The following NCAM2 variants were observed in gnomAD, a reference collection of about 807,000 sequenced individuals.
NCAM2 encodes neural cell adhesion molecule 2.
NCAM2 carries 30 observed loss-of-function variants against 98.1 expected under a neutral mutation model. That is an observed-to-expected ratio of 0.31 (90% CI 0.23 to 0.41). The LOEUF (loss-of-function observed/expected upper bound fraction) is 0.41. Ranked by LOEUF, NCAM2 falls within the 10% of genes least tolerant of loss-of-function variation. NCAM2 has a pLI of 1.00. For missense variants in NCAM2, 867 were observed against 1,005.8 expected (o/e 0.86, Z 1.87); for synonymous variants, 368 against 342.4 (o/e 1.07, Z -0.83).
At chr21:21,056,407 A>G (rs1249478222) in intron 1 of NCAM2, among the ~76,000 whole-genome samples, 2 of 151,908 alleles carry the variant, frequency 1.3e-5, no homozygotes, top group African/African-American at 2.4e-5. Flanking sequence ...CATCTGACTC[A>G]GTTATCAAGT....
intron 1 of NCAM2, among the ~76,000 whole-genome samples, chr21:21,138,085 T>G (rs1398295533): frequency 6.6e-6 from 1 of 152,178 alleles, no homozygotes; most frequent in Non-Finnish European, 1.5e-5. Flanking sequence ...CCTTTTGTCC[T>G]ATTTCCAAGC....
At chr21:21,151,155 C>T (rs2067437233) in intron 1 of NCAM2, among the ~76,000 whole-genome samples, 1 of 151,372 alleles carries the variant, frequency 6.6e-6, no homozygotes, top group Non-Finnish European at 1.5e-5. Flanking sequence ...ATTTTTATTA[C>T]CTATTTTGAA....
intron 8 of NCAM2, among the ~76,000 whole-genome samples, chr21:21,369,926 T>G (rs1051574801): frequency 6.6e-6 from 1 of 151,714 alleles, no homozygotes; most frequent in African/African-American, 2.4e-5. Flanking sequence ...ACTTTTTTAT[T>G]GGTGAGGGCT....
rs1270515929 is a variant in NCAM2 at position 21,264,682 on chromosome 21, T to C, written c.56-15896T>C. Among the ~76,000 whole-genome samples the C allele has an allele frequency of 6.0e-5, 9 of 150,162 alleles. No homozygotes were observed. The Admixed American group carries it at 6.0e-4, about 10-fold the overall frequency. ...ATATATATATACACACACACACATA[T>C]ATACACACACATACATACACACACA... On this transcript the variant is annotated intron_variant, in intron 1 of 17. Transcript: ENST00000400546.
intron 16 of NCAM2, among the ~76,000 whole-genome samples, chr21:21,532,454 A>C (rs1198823221): frequency 1.3e-5 from 2 of 152,032 alleles, no homozygotes; most frequent in African/African-American, 2.4e-5. Flanking sequence ...AAAGGCTACT[A>C]ACTAACCATT....
At chr21:21,353,937 G>A (rs1215928007) in intron 8 of NCAM2, among the ~76,000 whole-genome samples, 1 of 151,968 alleles carries the variant, frequency 6.6e-6, no homozygotes, top group African/African-American at 2.4e-5. Flanking sequence ...ATAAAACTGG[G>A]TGTTTTTAGA....
intron 4 of NCAM2, 106 bp downstream of exon 4, chr21:21,286,518 A>G (rs2147531265): frequency 2.5e-6 from 3 of 1,205,356 alleles, no homozygotes; most frequent in East Asian, 4.9e-5. Context: ...TTTGACCCCA[A>G]ATATTCAACA....
intron 11 of NCAM2, among the ~76,000 whole-genome samples, chr21:21,429,418 C>G (rs1320005252): frequency 6.6e-6 from 1 of 152,164 alleles, no homozygotes; most frequent in African/African-American, 2.4e-5. Flanking sequence ...CCAGAATATA[C>G]TACCTTCACT....
intron 1 of NCAM2, among the ~76,000 whole-genome samples, chr21:21,100,210 C>A (rs1185342774): frequency 6.6e-6 from 1 of 151,900 alleles, no homozygotes; most frequent in African/African-American, 2.4e-5. Context: ...AAAGTTCATG[C>A]ATTTGGTATT....
chr21:21,377,911 A>G (rs1243408972), intron 9 of NCAM2, among the ~76,000 whole-genome samples: 1 of 151,842 alleles, frequency 6.6e-6, no homozygotes, highest in Non-Finnish European at 1.5e-5. Context: ...ATAAGCTTCC[A>G]CAGTTAAGGA....
intron 1 of NCAM2, among the ~76,000 whole-genome samples, chr21:21,275,863 C>T (rs1015273481): frequency 6.6e-6 from 1 of 152,096 alleles, no homozygotes; most frequent in African/African-American, 2.4e-5. Flanking sequence ...CCAATTTTAT[C>T]ATGTATGTTT....
intron 9 of NCAM2, among the ~76,000 whole-genome samples, chr21:21,407,045 A>G (rs1375980346): frequency 6.6e-6 from 1 of 152,032 alleles, no homozygotes; most frequent in African/African-American, 2.4e-5. Flanking sequence ...GAAACCTTTC[A>G]TGATGTAAAG....
intron 15 of NCAM2, among the ~76,000 whole-genome samples, chr21:21,494,507 A>G (rs1468867025): frequency 1.3e-5 from 2 of 151,964 alleles, no homozygotes; most frequent in East Asian, 3.8e-4. Flanking sequence ...TCTACTAATC[A>G]ATACAAACAC....
intron 5 of NCAM2, among the ~76,000 whole-genome samples, chr21:21,294,128 C>A (rs892654442): frequency 1.3e-4 from 19 of 151,308 alleles, no homozygotes; most frequent in African/African-American, 3.4e-4. Flanking sequence ...ATGACAGACA[C>A]CGCAATTATT....
At chr21:21,222,763 T>C (rs116269258) in intron 1 of NCAM2, among the ~76,000 whole-genome samples, 52 of 152,292 alleles carry the variant, frequency 3.4e-4, no homozygotes, top group African/African-American at 1.2e-3. Context: ...TTCAGAATAT[T>C]ACTAAAACTT....
intron 9 of NCAM2, among the ~76,000 whole-genome samples, chr21:21,403,059 G>A (rs996388593): frequency 3.3e-5 from 5 of 152,054 alleles, no homozygotes; most frequent in African/African-American, 9.7e-5. Context: ...TAGTGATGTG[G>A]AACATTTTTT....
At chr21:21,222,654 C>G (rs746211183) in intron 1 of NCAM2, among the ~76,000 whole-genome samples, 3 of 152,122 alleles carry the variant, frequency 2.0e-5, no homozygotes, top group Non-Finnish European at 2.9e-5. Flanking sequence ...CTTTAACAAA[C>G]AAGGATTTCC....
chr21:21,329,322 A>G (rs1166652841), intron 6 of NCAM2, among the ~76,000 whole-genome samples: 2 of 152,266 alleles, frequency 1.3e-5, no homozygotes, highest in South Asian at 2.1e-4. Context: ...GATATTTACT[A>G]TTATGTTACA....
intron 11 of NCAM2, among the ~76,000 whole-genome samples, chr21:21,428,328 G>C (rs1432192010): frequency 6.6e-6 from 1 of 152,158 alleles, no homozygotes; most frequent in African/African-American, 2.4e-5. Flanking sequence ...ATTGGGCTGT[G>C]TCTGAAAGTC....
Sources: gnomAD v4.1 joint callset for allele counts (sites outside exome capture counted in the v4.1 genomes callset) on GRCh38, gnomAD v4.1.1 for gene constraint, MANE v1.5 for transcripts, NCBI Gene and HGNC (gene_info 2026-07-23, HGNC 2026-07-21) for gene names.